CTSO: variants seen among roughly 807,000 people sequenced by gnomAD.
CTSO encodes cathepsin O.
CTSO carries 40 observed loss-of-function variants against 42.4 expected under a neutral mutation model. The observed-to-expected ratio is 0.94, with a 90% CI of 0.73 to 1.23. The LOEUF (loss-of-function observed/expected upper bound fraction) is 1.23. Ranked by LOEUF, CTSO falls within the 50% of genes most tolerant of loss-of-function variation. The pLI is 0.00. For synonymous variants in CTSO, 156 were observed against 146.2 expected, an observed-to-expected ratio of 1.07 and a Z score of -0.48; for missense variants, 441 against 396.0, an observed-to-expected ratio of 1.11 and a Z score of -0.96.
chr4:155,947,002 C>A (rs1395528523), intron 1 of CTSO, among the ~76,000 whole-genome samples: 3 of 152,080 alleles, frequency 2.0e-5, no homozygotes, highest in Non-Finnish European at 4.4e-5. Flanking sequence ...ACTACGGGCA[C>A]CCGCCACAAT....
Position 155,924,871 on chromosome 4 carries a change from G to A in CTSO, c.*1165C>T, listed in dbSNP as rs1382337262. 2 of 152,356 alleles carry A rather than the reference G, an allele frequency of 1.3e-5. No homozygotes were observed. Among genetic ancestry groups the A allele is most frequent in the Non-Finnish European group, 2.9e-5 (2 of 68,120 alleles). 9.4% of individuals were successfully genotyped at this position (152,356 alleles called of 1,614,324 possible). Reference sequence around the variant, plus strand: ...CACTTGTGCAATTAGTGATGCAAGAGTGATCACAGGAATCAAGACTGGGAG... The same window carrying A: ...CACTTGTGCAATTAGTGATGCAAGAATGATCACAGGAATCAAGACTGGGAG... On this transcript the variant is annotated 3_prime_UTR_variant, in exon 8 of 8. Transcript: ENST00000433477.
In CTSO at chr4:155,941,743, A is replaced by G. The variant is rs866781329; in HGVS notation, c.384+574T>C. 2.6e-5 allele frequency among the ~76,000 whole-genome samples: 4 copies of G among 152,146 alleles called. No individual in the cohort carries two copies. In the South Asian group the frequency reaches 8.3e-4, roughly 31 times the overall value. On this transcript the variant is annotated intron_variant, in intron 3 of 7. Transcript: ENST00000433477. ...TTTTCTGGAATGTATGCGTCACGTT[A>G]TGGCTGAACTGACTACTAACTATAC...
At position 155,925,873 on chromosome 4, in the gene CTSO, C is replaced by G; in HGVS notation, c.*163G>C. The G allele has an allele frequency of 4.6e-6, 3 of 652,876 alleles. No homozygotes were observed. Among genetic ancestry groups the G allele is most frequent in the Admixed American group, 3.6e-5 (1 of 27,738 alleles). 40.4% of individuals were successfully genotyped at this position (652,876 alleles called of 1,614,324 possible). On this transcript the variant is annotated 3_prime_UTR_variant, in exon 8 of 8. Transcript: ENST00000433477. ...CTGACTTTGGTTGTCCATCTCTCTACAAGAAGGGAACATTCTGAAACTTAG... is the reference window on the plus strand; with the variant it reads ...CTGACTTTGGTTGTCCATCTCTCTAGAAGAAGGGAACATTCTGAAACTTAG...
chr4:155,937,446 A>G lies in CTSO; in HGVS notation c.590T>C (p.Phe197Ser). The change falls in exon 5 of 8, where the codon TTT becomes TCT. Residue 197 changes from phenylalanine to serine, a missense_variant. Physicochemically the swap from Phe to Ser is radical, Grantham distance 155. Coordinates refer to ENST00000433477, the MANE Select transcript of CTSO (RefSeq NM_001334.3). ...VKLVKDSEYP[F>S]KAQNGLCHYF... ...ATGGCACAGACCATTTTGTGCTTTA[A>G]AAGGATATTCTGAATCTTTCACCAG... The G allele has an allele frequency of 6.2e-7, 1 of 1,613,430 alleles. No individual in the cohort carries two copies. Among genetic ancestry groups the G allele is most frequent in the Non-Finnish European group, 8.5e-7 (1 of 1,179,506 alleles).
intron 1 of CTSO, among the ~76,000 whole-genome samples, chr4:155,953,454 C>T (rs1335476876): frequency 6.6e-6 from 1 of 152,132 alleles, no homozygotes; most frequent in African/African-American, 2.4e-5. Context: ...TGGGTGCGTC[C>T]CAAAAATCCA....
Position 155,937,391 on chromosome 4 carries a change from T to C in CTSO, c.645A>G (p.Ser215=). 6.2e-7 allele frequency: 1 copy of C among 1,611,112 alleles called. No homozygotes were observed. The highest frequency in any genetic ancestry group is 8.5e-7 in the Non-Finnish European group (1 of 1,177,324). ...AGTCATATGCAGAATAACCTTTGATTGAAAATCCAGAATGTGAACCAGAAA... is the reference window on the plus strand; with the variant it reads ...AGTCATATGCAGAATAACCTTTGATCGAAAATCCAGAATGTGAACCAGAAA... The part of the protein sequence containing the change: ...HYFSGSHSGF[S]IKGYSAYDFS... The change falls in exon 5 of 8, where the codon TCA becomes TCG. Residue 215 remains serine, a synonymous_variant. Transcript: ENST00000433477.
At chr4:155,946,964 T>C (rs937587954) in intron 1 of CTSO, among the ~76,000 whole-genome samples, 10 of 152,102 alleles carry the variant, frequency 6.6e-5, no homozygotes, top group Non-Finnish European at 1.5e-4. Context: ...CACCCCATTC[T>C]CCTGCCTCAG....
chr4:155,943,322 G>A lies in CTSO; in HGVS notation c.136-58C>T, dbSNP rs902678724. Reference sequence around the variant, plus strand: ...CTATGTCAGTTTTCCAAAGTAAACTGTGTATAACTAACTTGGAGAAATTTT... The same window carrying A: ...CTATGTCAGTTTTCCAAAGTAAACTATGTATAACTAACTTGGAGAAATTTT... On this transcript the variant is annotated intron_variant, in intron 1 of 7. Transcript: ENST00000433477. The A allele has an allele frequency of 8.9e-6, 9 of 1,009,346 alleles. No homozygotes were observed. The African/African-American group carries it at 1.3e-4, about 15-fold the overall frequency. The allele number at this position is 1,009,346 out of a possible 1,614,324, so 62.5% of individuals were successfully genotyped here.
chr4:155,939,472 G>C lies in CTSO; in HGVS notation c.451C>G (p.Pro151Ala). The C allele has an allele frequency of 6.2e-7, 1 of 1,614,076 alleles. No individual in the cohort carries two copies. The highest frequency in any genetic ancestry group is 8.5e-7 in the Non-Finnish European group (1 of 1,179,992). The part of the protein sequence containing the change: ...VESAYAIKGK[P>A]LEDLSVQQVI... ...TGCTGGACACTTAGGTCTTCCAGGG[G>C]CTTCCCCTTTATTGCATAAGCAGAT... The change falls in exon 4 of 8, where the codon CCC becomes GCC. Residue 151 changes from proline (P) to alanine (A), a missense_variant. Pro to Ala is a conservative substitution (Grantham distance 27). Transcript: ENST00000433477.
rs879238117 is a variant in CTSO, at chr4:155,928,508, G to T, written c.839-80C>A. 4.0e-6 allele frequency: 4 copies of T among 1,006,944 alleles called. No homozygotes were observed. In the African/African-American group the frequency reaches 4.9e-5, roughly 12 times the overall value. 62.4% of individuals were successfully genotyped at this position (1,006,944 alleles called of 1,614,324 possible). On this transcript the variant is annotated intron_variant, in intron 6 of 7. Transcript: ENST00000433477. ...GTTTAAGTTTCTTTATTTTAAGTTG[G>T]ATTCTTGCTAAGGATAGTAGCTCTG...
At chr4:155,953,199 A>C (rs967536624) in intron 1 of CTSO, among the ~76,000 whole-genome samples, 14 of 152,172 alleles carry the variant, frequency 9.2e-5, no homozygotes, top group African/African-American at 3.4e-4. Context: ...GGAGAATCAT[A>C]AACCATCAGG....
intron 1 of CTSO, 53 bp downstream of exon 1, chr4:155,953,660 G>A: frequency 8.1e-7 from 1 of 1,235,558 alleles, no homozygotes; most frequent in Non-Finnish European, 1.0e-6. Context: ...CCCAGACCCG[G>A]GACAGGAAGT....
At chr4:155,930,604 C>T (rs1036073533) in intron 5 of CTSO, among the ~76,000 whole-genome samples, 1 of 152,038 alleles carries the variant, frequency 6.6e-6, no homozygotes, top group African/African-American at 2.4e-5. Context: ...ATTAAGATAA[C>T]ATTTGATAGT....
chr4:155,953,384 T>C (rs534456189), intron 1 of CTSO, among the ~76,000 whole-genome samples: 21 of 152,254 alleles, frequency 1.4e-4, no homozygotes, highest in African/African-American at 4.8e-4. Flanking sequence ...ATAGAGGGGA[T>C]TGCTAAAAGG....
intron 7 of CTSO, among the ~76,000 whole-genome samples, chr4:155,928,033 G>A (rs1457593865): frequency 1.3e-5 from 2 of 151,996 alleles, no homozygotes; most frequent in Non-Finnish European, 2.9e-5. Flanking sequence ...ATTTCTGCAG[G>A]AGTCCAGTCT....
At chr4:155,938,273 A>T (rs1743367082) in intron 4 of CTSO, among the ~76,000 whole-genome samples, 1 of 152,206 alleles carries the variant, frequency 6.6e-6, no homozygotes. Context: ...CCCTTTTTGA[A>T]TGCTAGGCTA....
In CTSO at chr4:155,939,039, T is replaced by TA. The variant is rs569764831; in HGVS notation, c.552+331dup. ...TTAACATTCAGAAATTCTATGAAAA[T>TA]AAAAAAAATATATTCTCATCTTTCC... On this transcript the variant is annotated intron_variant, in intron 4 of 7. Transcript: ENST00000433477. 3.3e-3 allele frequency among the ~76,000 whole-genome samples: 494 copies of TA among 151,748 alleles called. 1 individual carries two copies. Among genetic ancestry groups the TA allele is most frequent in the Middle Eastern group, 0.014 (4 of 294 alleles).
intron 6 of CTSO, among the ~76,000 whole-genome samples, chr4:155,928,879 T>C (rs955971069): frequency 7.2e-5 from 11 of 152,150 alleles, no homozygotes; most frequent in African/African-American, 2.2e-4. Context: ...GACATTTACA[T>C]TGGGAACAGG....
intron 5 of CTSO, among the ~76,000 whole-genome samples, chr4:155,933,208 A>G (rs988229664): frequency 1.3e-5 from 2 of 152,098 alleles, no homozygotes; most frequent in Non-Finnish European, 2.9e-5. Context: ...CAGTCTTTCC[A>G]GTGCTATTCT....
Sources: gnomAD v4.1 joint callset for allele counts (sites outside exome capture counted in the v4.1 genomes callset) on GRCh38, gnomAD v4.1.1 for gene constraint, MANE v1.5 for transcripts, NCBI Gene and HGNC (gene_info 2026-07-23, HGNC 2026-07-21) for gene names.